The following NTM variants were observed in gnomAD, a reference collection of about 807,000 sequenced individuals.
The protein encoded by NTM is IgLON family member 2.
NTM carries 13 observed loss-of-function variants against 42.1 expected under a neutral mutation model. The observed-to-expected ratio is 0.31, with a 90% CI of 0.20 to 0.49. The LOEUF (loss-of-function observed/expected upper bound fraction) is 0.49, where lower values mean the gene tolerates loss of function less well. Ranked by LOEUF, NTM falls within the 20% of genes least tolerant of loss-of-function variation. The pLI, the probability that NTM is intolerant of heterozygous loss-of-function variation, is 0.99. For missense variants in NTM, 373 were observed against 452.8 expected (o/e 0.82, Z 1.60); for synonymous variants, 187 against 179.2 (o/e 1.04, Z -0.35).
chr11:132,264,682 C>T (rs1425037750), intron 4 of NTM, among the ~76,000 whole-genome samples: 1 of 152,142 alleles, frequency 6.6e-6, no homozygotes, highest in African/African-American at 2.4e-5. Context: ...AGAAGAGTTC[C>T]TCCCAGGCAT....
chr11:132,184,786 T>C (rs1054461799), intron 3 of NTM, among the ~76,000 whole-genome samples: 2 of 152,194 alleles, frequency 1.3e-5, no homozygotes, highest in Non-Finnish European at 2.9e-5. Context: ...AAAAATAATA[T>C]TCATTTCTAG....
At chr11:131,511,944 C>T (rs1221151467) in intron 1 of NTM, among the ~76,000 whole-genome samples, 2 of 152,162 alleles carry the variant, frequency 1.3e-5, no homozygotes, top group African/African-American at 4.8e-5. Flanking sequence ...GGCCCGGCCC[C>T]TATTCTATGG....
chr11:131,469,821 T>G (rs941571810), intron 1 of NTM, among the ~76,000 whole-genome samples: 4 of 152,236 alleles, frequency 2.6e-5, no homozygotes, highest in Non-Finnish European at 4.4e-5. Flanking sequence ...GAGCCAAGCT[T>G]GGAGCATCGT....
At chr11:131,884,780 G>A (rs1222978155) in intron 1 of NTM, among the ~76,000 whole-genome samples, 1 of 152,172 alleles carries the variant, frequency 6.6e-6, no homozygotes, top group Non-Finnish European at 1.5e-5. Context: ...GTCACCTGTG[G>A]GTTCCTGGGA....
intron 1 of NTM, among the ~76,000 whole-genome samples, chr11:131,717,614 T>C (rs1178511168): frequency 2.0e-5 from 3 of 152,264 alleles, no homozygotes; most frequent in African/African-American, 7.2e-5. Context: ...TCTAGTAGTT[T>C]TTATTGATTT....
intron 4 of NTM, among the ~76,000 whole-genome samples, chr11:132,225,707 T>A (rs1592345115): frequency 6.6e-6 from 1 of 152,236 alleles, no homozygotes; most frequent in Non-Finnish European, 1.5e-5. Flanking sequence ...TTACCTTTTT[T>A]ATTTAAATTT....
intron 1 of NTM, among the ~76,000 whole-genome samples, chr11:131,855,805 C>T (rs1475075907): frequency 6.6e-6 from 1 of 152,174 alleles, no homozygotes; most frequent in Non-Finnish European, 1.5e-5. Flanking sequence ...CCCTACACAT[C>T]AGAGACCCCC....
intron 1 of NTM, among the ~76,000 whole-genome samples, chr11:131,447,795 G>A (rs1950175543): frequency 6.6e-6 from 1 of 152,134 alleles, no homozygotes. Flanking sequence ...GTTTCATTAT[G>A]AGATTTTGCA....
chr11:131,527,444 C>T (rs1194409674), intron 1 of NTM, among the ~76,000 whole-genome samples: 1 of 152,182 alleles, frequency 6.6e-6, no homozygotes, highest in South Asian at 2.1e-4. Context: ...TATCACCATG[C>T]CTCTTCCATT....
At chr11:131,389,004 CT>C (rs1428927272) in intron 1 of NTM, among the ~76,000 whole-genome samples, 13 of 13,530 alleles carry the variant, frequency 9.6e-4, no homozygotes, top group Middle Eastern at 0.045. Context: ...AAGAGCAAGA[CT>C]TCATCACAAA....
intron 2 of NTM, among the ~76,000 whole-genome samples, chr11:132,087,011 G>A (rs2136348018): frequency 6.6e-6 from 1 of 152,312 alleles, no homozygotes; most frequent in East Asian, 1.9e-4. Flanking sequence ...GCATTCAAAA[G>A]GAAAGCAGAC....
chr11:131,650,200 G>A (rs2066293857), intron 1 of NTM, among the ~76,000 whole-genome samples: 2 of 152,212 alleles, frequency 1.3e-5, no homozygotes, highest in South Asian at 2.1e-4. Flanking sequence ...GATAGGCAAC[G>A]CTGCAAGCAA....
chr11:132,000,076 A>G (rs1279599864), intron 2 of NTM, among the ~76,000 whole-genome samples: 1 of 152,142 alleles, frequency 6.6e-6, no homozygotes, highest in Non-Finnish European at 1.5e-5. Flanking sequence ...TTGGAGTTAT[A>G]TCGGTACATT....
intron 1 of NTM, chr11:131,660,353 C>A: frequency 2.6e-6 from 1 of 388,026 alleles, no homozygotes; most frequent in Non-Finnish European, 5.2e-6. Context: ...TGGGTGAATT[C>A]ATTCACACCC....
intron 3 of NTM, among the ~76,000 whole-genome samples, chr11:132,203,625 C>A (rs1213160429): frequency 6.6e-6 from 1 of 152,200 alleles, no homozygotes; most frequent in Non-Finnish European, 1.5e-5. Context: ...TGCGCGGTGG[C>A]ACATGCCTGT....
rs140986113 is a variant in NTM at position 131,496,214 on chromosome 11, T to C, written c.82+125326T>C. Among the ~76,000 whole-genome samples the C allele has an allele frequency of 2.8e-3, 433 of 152,330 alleles. 2 individuals are homozygous for C. The highest frequency in any genetic ancestry group is 0.01 in the African/African-American group (422 of 41,578). On this transcript the variant is annotated intron_variant, in intron 1 of 8. Coordinates refer to ENST00000683400, the MANE Select transcript of NTM (RefSeq NM_001352005.2). Reference sequence around the variant, plus strand: ...TAGGGTTCTTTCCAGTTCTGGAATCTAGAAGTCATAGCTGAGAATAACCTA... The same window carrying C: ...TAGGGTTCTTTCCAGTTCTGGAATCCAGAAGTCATAGCTGAGAATAACCTA...
intron 2 of NTM, among the ~76,000 whole-genome samples, chr11:132,013,131 C>T (rs2072603369): frequency 6.6e-6 from 1 of 152,086 alleles, no homozygotes; most frequent in African/African-American, 2.4e-5. Context: ...TCACAAGGGG[C>T]AGCTGTGTGA....
chr11:132,082,027 C>T (rs1251432203), intron 2 of NTM, among the ~76,000 whole-genome samples: 1 of 147,606 alleles, frequency 6.8e-6, no homozygotes, highest in Non-Finnish European at 1.5e-5. Context: ...TATGAGAGGA[C>T]TTCAAAAATT....
intron 1 of NTM, among the ~76,000 whole-genome samples, chr11:131,813,107 G>A (rs550334162): frequency 6.6e-6 from 1 of 152,324 alleles, no homozygotes; most frequent in South Asian, 2.1e-4. Context: ...AATCACAAAA[G>A]TTATCAAAGT....
Sources: allele counts gnomAD v4.1 joint callset (sites outside exome capture counted in the v4.1 genomes callset), GRCh38; gene constraint gnomAD v4.1.1; transcripts MANE v1.5; gene names NCBI Gene and HGNC (gene_info 2026-07-23, HGNC 2026-07-21).